Variants in MAP3K13 observed in about 807,000 individuals in gnomAD.
MAP3K13 encodes the protein mitogen-activated protein kinase kinase kinase 13, also known as leucine zipper-bearing kinase.
MAP3K13 carries 52 observed loss-of-function variants against 104.0 expected under a neutral mutation model. That is an observed-to-expected ratio of 0.50 (90% CI 0.40 to 0.63). MAP3K13 has a LOEUF of 0.63. Among genes scored for constraint, MAP3K13 ranks in the 20% least tolerant of loss-of-function variants. The probability of loss-of-function intolerance (pLI) is 0.00; values close to 1 mark genes in which losing one functional copy is unlikely to be tolerated. For missense variants in MAP3K13, 914 were observed against 1,218.5 expected, an observed-to-expected ratio of 0.75 and a Z score of 3.72; for synonymous variants, 394 against 442.2, an observed-to-expected ratio of 0.89 and a Z score of 1.37.
intron 1 of MAP3K13, among the ~76,000 whole-genome samples, chr3:185,394,405 A>C (rs1712256926): frequency 6.6e-6 from 1 of 152,230 alleles, no homozygotes; most frequent in Non-Finnish European, 1.5e-5. Context: ...ATTTAATGAA[A>C]ATAAACTCTA....
At chr3:185,436,547 A>G (rs12633546) in intron 2 of MAP3K13, among the ~76,000 whole-genome samples, 8,649 of 152,224 alleles carry the variant, frequency 0.057, 397 homozygotes, top group East Asian at 0.22. Context: ...TCATCTTTAA[A>G]TAACTATAAT....
intron 3 of MAP3K13, among the ~76,000 whole-genome samples, chr3:185,438,090 T>G (rs1715140583): frequency 6.6e-6 from 1 of 152,084 alleles, no homozygotes; most frequent in Non-Finnish European, 1.5e-5. Context: ...CCCAGGAGTT[T>G]GAGACCAGCC....
At chr3:185,431,989 C>T (rs535804453) in intron 2 of MAP3K13, among the ~76,000 whole-genome samples, 5 of 152,180 alleles carry the variant, frequency 3.3e-5, no homozygotes, top group South Asian at 2.1e-4. Context: ...TACTCCGACA[C>T]GCTACACATT....
rs1718537982 is a variant in MAP3K13 at position 185,482,773 on chromosome 3, G to C, written c.*317G>C. Reference sequence around the variant, plus strand: ...ATTTTAACACTTTGTACTGCAAAGAGTGAACTATATATGAGATAGAGAGAC... The same window carrying C: ...ATTTTAACACTTTGTACTGCAAAGACTGAACTATATATGAGATAGAGAGAC... On this transcript the variant is annotated 3_prime_UTR_variant, in exon 14 of 14. Coordinates refer to ENST00000265026, the MANE Select transcript of MAP3K13 (RefSeq NM_004721.5). This position sits in a 1 kb window ranked among gnomAD's most constrained non-coding sequence, Gnocchi z 4.5. 1 of 272,594 alleles carries C rather than the reference G, an allele frequency of 3.7e-6. No homozygotes were observed. Among genetic ancestry groups the C allele is most frequent in the Non-Finnish European group, 6.9e-6 (1 of 144,292 alleles). 16.9% of individuals were successfully genotyped at this position (272,594 alleles called of 1,614,324 possible). A position where few individuals can be genotyped will look rare whatever the true frequency, so the allele number is the denominator to read the frequency against.
At chr3:185,307,546 C>CCCCCCCCCCCCCCCCCCA (rs58408265) in intron 2 of MAP3K13, among the ~76,000 whole-genome samples, 3 of 104,080 alleles carry the variant, frequency 2.9e-5, no homozygotes, top group Admixed American at 1.1e-4. Context: ...GCACCACCCC[C>CCCCCCCCCCCCCCCCCCA]TCCCCCGCCA....
intron 2 of MAP3K13, among the ~76,000 whole-genome samples, chr3:185,336,887 T>C (rs1037243513): frequency 6.6e-6 from 1 of 152,154 alleles, no homozygotes; most frequent in African/African-American, 2.4e-5. Context: ...CTGTCCTAGA[T>C]ACTTCCTCAT....
chr3:185,437,920 T>A (rs1208742375), intron 3 of MAP3K13, among the ~76,000 whole-genome samples: 1 of 152,090 alleles, frequency 6.6e-6, no homozygotes, highest in Non-Finnish European at 1.5e-5. Flanking sequence ...AGCAGTCAGA[T>A]CTGCTGCATC....
intron 2 of MAP3K13, among the ~76,000 whole-genome samples, chr3:185,327,978 GGAAA>G (rs1255004160): frequency 4.1e-5 from 6 of 147,454 alleles, no homozygotes; most frequent in South Asian, 4.6e-4. Flanking sequence ...AAGAAAGGAA[GGAAA>G]GAAGGGGGAA....
chr3:185,339,240 A>T (rs1024237227), intron 2 of MAP3K13, among the ~76,000 whole-genome samples: 1 of 152,082 alleles, frequency 6.6e-6, no homozygotes, highest in Non-Finnish European at 1.5e-5. Flanking sequence ...AATTGCTTGA[A>T]CCAGGGAGGC....
At chr3:185,436,362 A>G (rs750444075) in intron 2 of MAP3K13, among the ~76,000 whole-genome samples, 4 of 152,214 alleles carry the variant, frequency 2.6e-5, no homozygotes, top group Non-Finnish European at 5.9e-5. Flanking sequence ...ATAAGTAAGC[A>G]TATCATGACT....
intron 7 of MAP3K13, among the ~76,000 whole-genome samples, chr3:185,459,227 T>C (rs1212374689): frequency 2.0e-5 from 3 of 152,016 alleles, no homozygotes; most frequent in African/African-American, 7.2e-5. Flanking sequence ...GGCTGGACAC[T>C]CACATCAGGA....
At position 185,482,618 on chromosome 3, in the gene MAP3K13, C is replaced by G; in HGVS notation, c.*162C>G. The G allele has an allele frequency of 1.9e-6, 1 of 537,826 alleles. No individual in the cohort carries two copies. The highest frequency in any genetic ancestry group is 3.3e-6 in the Non-Finnish European group (1 of 303,396). 33.3% of individuals were successfully genotyped at this position (537,826 alleles called of 1,614,324 possible). A position where few individuals can be genotyped will look rare whatever the true frequency, so the allele number is the denominator to read the frequency against. ...GAGCTGCAATAACAGGAACATGAGA[C>G]TTCGCAAATCTCTGGAAAATAATAT... On this transcript the variant is annotated 3_prime_UTR_variant, in exon 14 of 14. Transcript: ENST00000265026. The surrounding 1 kb of genome is among the most constrained non-coding windows in gnomAD (Gnocchi z 4.5).
At chr3:185,316,403 G>A (rs1401238160) in intron 2 of MAP3K13, among the ~76,000 whole-genome samples, 1 of 152,194 alleles carries the variant, frequency 6.6e-6, no homozygotes, top group Non-Finnish European at 1.5e-5. Flanking sequence ...CACTTTGGAA[G>A]GCTGAGGTGT....
At chr3:185,331,405 TTTTC>T (rs1722275650) in intron 2 of MAP3K13, among the ~76,000 whole-genome samples, 1 of 151,876 alleles carries the variant, frequency 6.6e-6, no homozygotes, top group African/African-American at 2.4e-5. Context: ...TTTTCTTTTC[TTTTC>T]TTTTTTTTTA....
intron 2 of MAP3K13, among the ~76,000 whole-genome samples, chr3:185,344,355 A>C (rs1465129315): frequency 5.3e-5 from 8 of 152,234 alleles, no homozygotes; most frequent in Non-Finnish European, 1.0e-4. Flanking sequence ...AAACCCAGCC[A>C]ATAAGAAGAG....
intron 2 of MAP3K13, among the ~76,000 whole-genome samples, chr3:185,287,677 T>A (rs1451337521): frequency 6.6e-6 from 1 of 152,182 alleles, no homozygotes; most frequent in Non-Finnish European, 1.5e-5. Context: ...CATACCTATA[T>A]GATACCACTT....
intron 2 of MAP3K13, chr3:185,291,971 G>A: frequency 1.9e-6 from 2 of 1,073,554 alleles, no homozygotes; most frequent in Non-Finnish European, 2.2e-6. Flanking sequence ...CATAAATTTG[G>A]TGAATTTAGA....
At chr3:185,440,086 T>A (rs1715243656) in intron 3 of MAP3K13, among the ~76,000 whole-genome samples, 1 of 152,164 alleles carries the variant, frequency 6.6e-6, no homozygotes, top group East Asian at 1.9e-4. Flanking sequence ...AAAAACCACA[T>A]ACAGAAGGGG....
intron 1 of MAP3K13, among the ~76,000 whole-genome samples, chr3:185,372,972 G>A (rs766640143): frequency 1.2e-4 from 19 of 152,142 alleles, no homozygotes; most frequent in Non-Finnish European, 4.4e-5. Context: ...AATATGAAAT[G>A]ATCATTTTGA....
Sources: gnomAD v4.1 joint callset for allele counts (sites outside exome capture counted in the v4.1 genomes callset) on GRCh38, gnomAD v4.1.1 for gene constraint, Gnocchi (gnomAD v3.1) non-coding constraint, MANE v1.5 for transcripts, NCBI Gene and HGNC (gene_info 2026-07-23, HGNC 2026-07-21) for gene names.